Variants in KAZN observed in about 807,000 individuals in gnomAD.
KAZN encodes the protein kazrin, periplakin interacting protein.
In KAZN, 40 loss-of-function variants were observed where a neutral mutation model predicts 87.4. That is an observed-to-expected ratio of 0.46 (90% CI 0.36 to 0.60). The LOEUF is 0.60. KAZN is among the 20% of genes least tolerant of loss of function. The pLI, the probability that KAZN is intolerant of heterozygous loss-of-function variation, is 0.00. For missense variants in KAZN, 898 were observed against 1,073.9 expected, an observed-to-expected ratio of 0.84 and a Z score of 2.29; for synonymous variants, 466 against 458.3, an observed-to-expected ratio of 1.02 and a Z score of -0.22.
intron 1 of KAZN, among the ~76,000 whole-genome samples, chr1:13,963,090 G>C (rs2101029443): frequency 6.6e-6 from 1 of 152,238 alleles, no homozygotes; most frequent in South Asian, 2.1e-4. Context: ...ATAATAAAGG[G>C]ATATGATAGG....
chr1:14,688,863 C>T (rs1024788367), intron 1 of KAZN, among the ~76,000 whole-genome samples: 6 of 152,170 alleles, frequency 3.9e-5, no homozygotes, highest in African/African-American at 1.4e-4. Flanking sequence ...TGGACAAAAT[C>T]ATATGTAGTT....
At chr1:14,718,663 G>T (rs539679879) in intron 1 of KAZN, among the ~76,000 whole-genome samples, 2 of 152,268 alleles carry the variant, frequency 1.3e-5, no homozygotes, top group Non-Finnish European at 2.9e-5. Context: ...TAGGTGTTTA[G>T]CACACGCGGG....
intron 1 of KAZN, among the ~76,000 whole-genome samples, chr1:14,821,802 A>G (rs1212915807): frequency 6.6e-6 from 1 of 152,120 alleles, no homozygotes; most frequent in African/African-American, 2.4e-5. Flanking sequence ...AGCTGGTACT[A>G]CTGTCACCAG....
chr1:14,192,031 T>C (rs1216760440), intron 2 of KAZN, among the ~76,000 whole-genome samples: 1 of 152,124 alleles, frequency 6.6e-6, no homozygotes, highest in African/African-American at 2.4e-5. Flanking sequence ...TGCAAGGGAA[T>C]TTTTAGCTTT....
In KAZN at chr1:14,735,515, T is replaced by C. The variant is rs1468210348; in HGVS notation, c.226+136292T>C. 2.0e-5 allele frequency among the ~76,000 whole-genome samples: 3 copies of C among 152,074 alleles called. No individual in the cohort carries two copies. The highest frequency in any genetic ancestry group is 7.2e-5 in the African/African-American group (3 of 41,406). On this transcript the variant is annotated intron_variant, in intron 1 of 14. Coordinates refer to ENST00000376030, the MANE Select transcript of KAZN (RefSeq NM_201628.3). This position sits in a 1 kb window ranked among gnomAD's most constrained non-coding sequence, Gnocchi z 4.3. The stretch of plus-strand genomic sequence containing the variant: ...CACCCCCATACACAAAGCCTGAGTG[T>C]CAAAGCCTCGCTGGTAGCCAGGCTC...
intron 2 of KAZN, among the ~76,000 whole-genome samples, chr1:14,436,186 G>A (rs770315316): frequency 6.6e-5 from 10 of 151,748 alleles, no homozygotes; most frequent in Admixed American, 3.9e-4. Context: ...CCGAGATCGC[G>A]CCATTGCACT....
intron 1 of KAZN, among the ~76,000 whole-genome samples, chr1:14,138,082 A>AGTGTGTGT (rs149980453): frequency 0.14 from 21,180 of 149,576 alleles, 1,597 homozygotes; most frequent in Middle Eastern, 0.16. Flanking sequence ...TAAATGTTAC[A>AGTGTGTGT]GTGTGTGTGT....
intron 2 of KAZN, among the ~76,000 whole-genome samples, chr1:14,572,158 G>A (rs1674911881): frequency 6.6e-6 from 1 of 152,184 alleles, no homozygotes; most frequent in Non-Finnish European, 1.5e-5. Context: ...GGAAACTTTA[G>A]AATAACTCAG....
At chr1:14,681,857 A>G (rs368345369) in intron 1 of KAZN, among the ~76,000 whole-genome samples, 1 of 149,334 alleles carries the variant, frequency 6.7e-6, no homozygotes, top group South Asian at 2.1e-4. Context: ...ACACCCAGCT[A>G]ATTTTTTGTA....
intron 1 of KAZN, among the ~76,000 whole-genome samples, chr1:14,130,728 G>C (rs1273114294): frequency 6.6e-6 from 1 of 152,120 alleles, no homozygotes; most frequent in Non-Finnish European, 1.5e-5. Flanking sequence ...TTTGGGACCT[G>C]ATATTACCAC....
chr1:14,801,376 C>A (rs1194574127), intron 1 of KAZN, among the ~76,000 whole-genome samples: 1 of 152,160 alleles, frequency 6.6e-6, no homozygotes, highest in African/African-American at 2.4e-5. Flanking sequence ...GTGGCACGCA[C>A]AGGTGAAGCC....
At chr1:14,913,945 G>A (rs533075961) in intron 1 of KAZN, among the ~76,000 whole-genome samples, 27 of 152,346 alleles carry the variant, frequency 1.8e-4, no homozygotes, top group East Asian at 3.9e-4. Context: ...CTTCAGGATG[G>A]AGGAGGGGAT....
At chr1:14,685,417 T>G (rs1355018347) in intron 1 of KAZN, among the ~76,000 whole-genome samples, 1 of 152,174 alleles carries the variant, frequency 6.6e-6, no homozygotes, top group African/African-American at 2.4e-5. Context: ...AGGCCTCAGA[T>G]GAAGAAATGC....
intron 2 of KAZN, among the ~76,000 whole-genome samples, chr1:14,204,817 G>C (rs1646706177): frequency 6.6e-6 from 1 of 152,234 alleles, no homozygotes; most frequent in Non-Finnish European, 1.5e-5. Flanking sequence ...CACCTAATTA[G>C]AAAAGATAAT....
At chr1:14,859,237 C>T (rs1234345290) in intron 1 of KAZN, among the ~76,000 whole-genome samples, 1 of 151,636 alleles carries the variant, frequency 6.6e-6, no homozygotes, top group East Asian at 1.9e-4. Flanking sequence ...AACTGCAATT[C>T]TAAGTAACCG....
At chr1:15,078,331 G>C (rs193150488) in intron 8 of KAZN, among the ~76,000 whole-genome samples, 162 of 152,222 alleles carry the variant, frequency 1.1e-3, no homozygotes, top group South Asian at 2.7e-3. Flanking sequence ...CTTGAACCTA[G>C]GAAGCGGATG....
chr1:14,616,595 G>A (rs1286060674), intron 1 of KAZN, among the ~76,000 whole-genome samples: 14 of 152,142 alleles, frequency 9.2e-5, no homozygotes, highest in Non-Finnish European at 1.8e-4. Flanking sequence ...ATCAGCGTCA[G>A]CGAAGGCTCA....
rs533123317 is a variant in KAZN, at chr1:14,055,617, G to A, written c.92-124818G>A. Among the ~76,000 whole-genome samples, 297 of 152,190 alleles carry A rather than the reference G, an allele frequency of 2.0e-3. 1 individual carries two copies. Among genetic ancestry groups the A allele is most frequent in the African/African-American group, 7.0e-3 (289 of 41,502 alleles). On this transcript the variant is annotated intron_variant, in intron 1 of 16. Coordinates refer to the KAZN transcript ENST00000636203. ...ACAGGAAAGCCCTTCTCCCCACATT[G>A]GATCATCAGACAGGGGTTCAGCTAA...
chr1:14,598,559 GGT>G (rs1025542606), upstream of KAZN: 19 of 575,380 alleles, frequency 3.3e-5, no homozygotes, highest in South Asian at 5.3e-4. The surrounding 1 kb of genome is among the most constrained non-coding windows in gnomAD (Gnocchi z 4.2). Context: ...CCCCCCGGGG[GGT>G]GTGTCTCCGA....
Sources: gnomAD v4.1 joint callset for allele counts (sites outside exome capture counted in the v4.1 genomes callset) on GRCh38, gnomAD v4.1.1 for gene constraint, Gnocchi (gnomAD v3.1) non-coding constraint, MANE v1.5 for transcripts, NCBI Gene and HGNC (gene_info 2026-07-23, HGNC 2026-07-21) for gene names.